The following TIPARP variants were observed in gnomAD, a reference collection of about 807,000 sequenced individuals.
TIPARP encodes TCDD inducible poly(ADP-ribose) polymerase.
A neutral mutation model predicts 56.5 loss-of-function variants in TIPARP; 12 were observed. That is an observed-to-expected ratio of 0.21 (90% confidence interval 0.14 to 0.34). TIPARP has a LOEUF of 0.34. Ranked by LOEUF, TIPARP falls within the 10% of genes least tolerant of loss-of-function variation. The pLI is 1.00. For synonymous variants in TIPARP, 296 were observed against 265.7 expected (o/e 1.11, Z -1.11); for missense variants, 604 against 781.6 (o/e 0.77, Z 2.71).
At chr3:156,679,471 A>G (rs1288900228) in intron 2 of TIPARP, among the ~76,000 whole-genome samples, 2 of 152,246 alleles carry the variant, frequency 1.3e-5, no homozygotes, top group African/African-American at 4.8e-5. Flanking sequence ...TGGCTATATA[A>G]TAAGCATTAA....
chr3:156,704,886 A>G lies in TIPARP; in HGVS notation c.1729A>G (p.Lys577Glu), dbSNP rs1204016670. The change falls in exon 6 of 6, where the codon AAG becomes GAG. Residue 577 changes from lysine (K) to glutamate (E), a missense_variant. Lys to Glu is a moderately conservative substitution (Grantham distance 56, BLOSUM62 1). Coordinates refer to ENST00000295924, the MANE Select transcript of TIPARP (RefSeq NM_015508.5). ...GGCAAGCTACTCTCATAACTTTTCT[A>G]AGAAGTCCTCCAAAGGAGTCCACTT... Reference protein sequence around the residue: ...KKASYSHNFSKKSSKGVHFMF... With the variant: ...KKASYSHNFSEKSSKGVHFMF... The G allele has an allele frequency of 6.2e-7, 1 of 1,614,212 alleles. No individual in the cohort carries two copies. Among genetic ancestry groups the G allele is most frequent in the Non-Finnish European group, 8.5e-7 (1 of 1,180,042 alleles).
rs1231074723 is a variant in TIPARP at position 156,706,151 on chromosome 3, CTG to C, written c.*1022_*1023del. 8.5e-5 allele frequency: 13 copies of C among 152,650 alleles called. No homozygotes were observed. Among genetic ancestry groups the C allele is most frequent in the Non-Finnish European group, 1.9e-4 (13 of 68,030 alleles). 9.5% of individuals were successfully genotyped at this position (152,650 alleles called of 1,614,324 possible). On this transcript the variant is annotated 3_prime_UTR_variant, in exon 6 of 6. Transcript: ENST00000295924. ...ATACAGCTGGGTTCCCTGGCTGACT[CTG>C]TACCTTACTTACACTACTTACTTAA... is the stretch of plus-strand genomic sequence containing the variant.
Position 156,705,643 on chromosome 3 carries a change from A to G in TIPARP, c.*512A>G, listed in dbSNP as rs1722960838. The G allele has an allele frequency of 6.5e-6, 1 of 152,796 alleles. No individual in the cohort carries two copies. 9.5% of individuals were successfully genotyped at this position (152,796 alleles called of 1,614,324 possible). On this transcript the variant is annotated 3_prime_UTR_variant, in exon 6 of 6. Transcript: ENST00000295924. The stretch of plus-strand genomic sequence containing the variant: ...ATGAAATTCTGGTGGGTAGAAAGAA[A>G]TTTTTATTTCTATCAGCAGTACTAA...
chr3:156,679,703 A>G (rs896462854), intron 2 of TIPARP, among the ~76,000 whole-genome samples: 93 of 152,352 alleles, frequency 6.1e-4, no homozygotes, highest in African/African-American at 2.2e-3. Context: ...TTGGAGGGGA[A>G]AATACACTGA....
At position 156,704,985 on chromosome 3, in the gene TIPARP, A is replaced by G. The variant is rs753194812; in HGVS notation, c.1828A>G (p.Asn610Asp). The G allele has an allele frequency of 1.3e-5, 21 of 1,614,248 alleles. No homozygotes were observed. The highest frequency in any genetic ancestry group is 1.8e-5 in the Non-Finnish European group (21 of 1,180,040). Residue 610 changes from asparagine to aspartate, a missense_variant, in exon 6 of 6, where the codon AAT becomes GAT. Coordinates refer to ENST00000295924, the MANE Select transcript of TIPARP (RefSeq NM_015508.5). ...TGGCATGAGAAGGCCCCCGCCAGTC[A>G]ATCCTGGCAGTGTCACCAGTGACCT... ...SHGMRRPPPVNPGSVTSDLYD... is the reference protein window; with the variant it reads ...SHGMRRPPPVDPGSVTSDLYD...
At position 156,678,372 on chromosome 3, in the gene TIPARP, G is replaced by A. The variant is rs1451664516; in HGVS notation, c.675G>A (p.Glu225=). 6.2e-7 allele frequency: 1 copy of A among 1,614,238 alleles called. No homozygotes were observed. The highest frequency in any genetic ancestry group is 1.1e-5 in the South Asian group (1 of 91,088). ...AGGCTTCCCTTGACCTCGTGTTTGA[G>A]CTGGTGAACCAGTTGCAGTACCACA... ...SEEASLDLVF[E]LVNQLQYHTH... is the part of the protein sequence containing the mutation. Residue 225 remains glutamate, a synonymous_variant, in exon 2 of 6, where the codon GAG becomes GAA. Transcript: ENST00000295924.
At position 156,696,004 on chromosome 3, in the gene TIPARP, T is replaced by G; in HGVS notation, c.1226T>G (p.Phe409Cys). 1 of 1,608,936 alleles carries G rather than the reference T, an allele frequency of 6.2e-7. No individual in the cohort carries two copies. The part of the protein sequence containing the change: ...IKRRPLFRSC[F>C]ILLPYLQTLG... ...AGGAGACCCCTCTTCCGCTCCTGTT[T>G]TATACTGCTTCCATATTTACAGTAA... The change falls in exon 4 of 6, where the codon TTT (phenylalanine) becomes TGT (cysteine). Residue 409 changes from phenylalanine (F) to cysteine (C), a missense_variant. This residue lies in a region of TIPARP where 252 missense variants were observed against 303.9 expected (regional missense o/e 0.83). Coordinates refer to ENST00000295924, the MANE Select transcript of TIPARP (RefSeq NM_015508.5).
rs1210646750 is a variant in TIPARP at position 156,677,998 on chromosome 3, C to A, written c.301C>A (p.Pro101Thr). 6.2e-7 allele frequency: 1 copy of A among 1,614,064 alleles called. No individual in the cohort carries two copies. The highest frequency in any genetic ancestry group is 8.5e-7 in the Non-Finnish European group (1 of 1,180,028). ...AGCCATGGAAATCAATTCATCATGC[C>A]CACCAGCAGAAAATAATATGTCTGT... Reference protein sequence around the residue: ...KKAMEINSSCPPAENNMSVLI... With the variant: ...KKAMEINSSCTPAENNMSVLI... Residue 101 changes from proline (P) to threonine (T), a missense_variant, in exon 2 of 6, where the codon CCA (proline) becomes ACA (threonine). Pro to Thr is a conservative substitution (Grantham distance 38, BLOSUM62 -1). This residue lies in a region of TIPARP where 261 missense variants were observed against 279.2 expected (regional missense o/e 0.93). Transcript: ENST00000295924.
At chr3:156,692,015 T>A (rs1387043765) in intron 2 of TIPARP, among the ~76,000 whole-genome samples, 4 of 152,152 alleles carry the variant, frequency 2.6e-5, no homozygotes, top group Non-Finnish European at 5.9e-5. Context: ...ATTGCTAGAG[T>A]GATGTCCAGA....
intron 2 of TIPARP, among the ~76,000 whole-genome samples, chr3:156,691,841 A>G (rs1362173100): frequency 6.6e-6 from 1 of 152,230 alleles, no homozygotes; most frequent in South Asian, 2.1e-4. Context: ...TGATACATCA[A>G]TCCAAAGAAC....
chr3:156,691,558 C>T (rs1722574780), intron 2 of TIPARP, among the ~76,000 whole-genome samples: 1 of 152,050 alleles, frequency 6.6e-6, no homozygotes, highest in Non-Finnish European at 1.5e-5. Flanking sequence ...CTCATAATTG[C>T]TTTCTGATAA....
chr3:156,697,266 T>C (rs1001726662), intron 4 of TIPARP, among the ~76,000 whole-genome samples: 1 of 152,122 alleles, frequency 6.6e-6, no homozygotes, highest in African/African-American at 2.4e-5. Flanking sequence ...TAGAACCCAT[T>C]AGTGAGACCA....
intron 3 of TIPARP, among the ~76,000 whole-genome samples, 181 bp downstream of exon 3, chr3:156,694,369 T>C (rs1421383120): frequency 6.6e-6 from 1 of 152,252 alleles, no homozygotes; most frequent in Non-Finnish European, 1.5e-5. Context: ...TTAAAATTTA[T>C]TTCTTTCCAT....
chr3:156,701,997 A>G (rs1272083124), intron 4 of TIPARP, among the ~76,000 whole-genome samples: 2 of 129,654 alleles, frequency 1.5e-5, no homozygotes, highest in Admixed American at 1.8e-4. Flanking sequence ...ATCTCCTAAA[A>G]GACTGTGTGT....
chr3:156,694,755 A>G (rs976153335), intron 3 of TIPARP, among the ~76,000 whole-genome samples: 2 of 152,194 alleles, frequency 1.3e-5, no homozygotes, highest in African/African-American at 4.8e-5. Context: ...TAAAATGATG[A>G]TGGTTTACTT....
intron 2 of TIPARP, among the ~76,000 whole-genome samples, chr3:156,690,434 T>C (rs1222966299): frequency 6.6e-6 from 1 of 152,186 alleles, no homozygotes; most frequent in Non-Finnish European, 1.5e-5. Context: ...GTTGGCTTAA[T>C]TGGTATGTGC....
At chr3:156,686,998 A>C (rs1040822037) in intron 2 of TIPARP, among the ~76,000 whole-genome samples, 1 of 152,182 alleles carries the variant, frequency 6.6e-6, no homozygotes, top group African/African-American at 2.4e-5. Context: ...CTTTGAGATA[A>C]GATAGAAACC....
intron 2 of TIPARP, among the ~76,000 whole-genome samples, chr3:156,688,610 A>G (rs344008): frequency 0.88 from 133,746 of 152,028 alleles, 59,173 homozygotes; most frequent in Middle Eastern, 0.98. Context: ...AGTTTTCTGA[A>G]GTTTAATAAC....
At chr3:156,701,476 T>C (rs1447343879) in intron 4 of TIPARP, among the ~76,000 whole-genome samples, 1 of 152,126 alleles carries the variant, frequency 6.6e-6, no homozygotes, top group Non-Finnish European at 1.5e-5. Flanking sequence ...ATAGAAAACC[T>C]GGTGGGCTGG....
Sources: allele counts gnomAD v4.1 joint callset (sites outside exome capture counted in the v4.1 genomes callset), GRCh38; gene constraint gnomAD v4.1.1; regional missense constraint gnomAD v4.1.1; transcripts MANE v1.5; gene names NCBI Gene and HGNC (gene_info 2026-07-23, HGNC 2026-07-21).